Variants in SOS1 observed in about 807,000 individuals in gnomAD.
The protein encoded by SOS1 is SOS Ras/Rac guanine nucleotide exchange factor 1.
In SOS1, 25 loss-of-function variants were observed where a neutral mutation model predicts 157.6. The ratio of observed to expected loss-of-function variants is 0.16; its 90% CI spans 0.12 to 0.22. The LOEUF (loss-of-function observed/expected upper bound fraction) is 0.22, where lower values mean the gene tolerates loss of function less well. SOS1 is among the 10% of genes least tolerant of loss of function. The pLI is 1.00. For missense variants in SOS1, 1,237 were observed against 1,599.1 expected (o/e 0.77, Z 3.86); for synonymous variants, 528 against 534.0 (o/e 0.99, Z 0.16).
At chr2:38,986,446 T>C (rs1287040138) in intron 22 of SOS1, 131 bp from the exon 23 acceptor site, 1 of 901,652 alleles carries the variant, frequency 1.1e-6, no homozygotes, top group Non-Finnish European at 1.6e-6. Flanking sequence ...AGTTTTGCCA[T>C]ATGTTTTCTT....
At chr2:39,035,109 A>C in intron 8 of SOS1, 103 bp downstream of exon 8, 1 of 740,124 alleles carries the variant, frequency 1.4e-6, no homozygotes, top group Non-Finnish European at 2.4e-6. Flanking sequence ...AAACAGAAAC[A>C]CACTAATGTG....
At chr2:39,040,512 T>C (rs1459050923) in intron 6 of SOS1, among the ~76,000 whole-genome samples, 1 of 152,200 alleles carries the variant, frequency 6.6e-6, no homozygotes, top group Non-Finnish European at 1.5e-5. Context: ...TAACCCTTGG[T>C]AACTTCTATT....
intron 1 of SOS1, among the ~76,000 whole-genome samples, chr2:39,089,852 C>A (rs1281279302): frequency 6.6e-6 from 1 of 151,622 alleles, no homozygotes; most frequent in Non-Finnish European, 1.5e-5. Flanking sequence ...CTGGGCCAGG[C>A]ACAGCGGCTC....
At chr2:39,066,981 C>T (rs1232301264) in intron 2 of SOS1, among the ~76,000 whole-genome samples, 1 of 152,084 alleles carries the variant, frequency 6.6e-6, no homozygotes, top group Admixed American at 6.5e-5. Flanking sequence ...TACAAACTAT[C>T]CTATATGCAA....
intron 1 of SOS1, among the ~76,000 whole-genome samples, chr2:39,089,520 ACT>A (rs1196021741): frequency 9.6e-6 from 1 of 103,712 alleles, no homozygotes; most frequent in African/African-American, 4.1e-5. Context: ...CAAGAACAAG[ACT>A]CTGTCTCCAA....
chr2:39,073,870 A>T (rs1671870177), intron 1 of SOS1, among the ~76,000 whole-genome samples: 1 of 152,210 alleles, frequency 6.6e-6, no homozygotes, highest in Non-Finnish European at 1.5e-5. Context: ...TCATGTCTTG[A>T]GCTCAGATCT....
chr2:39,041,993 TTAATG>T (rs1670588838), intron 6 of SOS1, among the ~76,000 whole-genome samples: 1 of 152,222 alleles, frequency 6.6e-6, no homozygotes, highest in African/African-American at 2.4e-5. Context: ...TCTCTACTGA[TTAATG>T]TAATATCTGT....
intron 6 of SOS1, among the ~76,000 whole-genome samples, chr2:39,039,064 A>G (rs1183443683): frequency 2.6e-5 from 4 of 152,176 alleles, no homozygotes; most frequent in Non-Finnish European, 5.9e-5. Context: ...CAGCAAAAAG[A>G]TTATGACTCA....
intron 1 of SOS1, among the ~76,000 whole-genome samples, chr2:39,094,424 G>A (rs1014325028): frequency 6.6e-6 from 1 of 152,088 alleles, no homozygotes; most frequent in Non-Finnish European, 1.5e-5. Context: ...GAGGCAGGTG[G>A]ATCACGAGGT....
At position 38,991,948 on chromosome 2, in the gene SOS1, T is replaced by C. The variant is rs1050254151; in HGVS notation, c.3347-2634A>G. Among the ~76,000 whole-genome samples, 17 of 152,316 alleles carry C rather than the reference T, an allele frequency of 1.1e-4. No individual in the cohort carries two copies. The South Asian group carries it at 2.1e-3, about 19-fold the overall frequency. ...CCGTAAGAGTAAAAAAAGAATAGTA[T>C]AGTATTATAACTGATAAAAAAAAAT... On this transcript the variant is annotated intron_variant, in intron 20 of 22. Coordinates refer to ENST00000402219, the MANE Select transcript of SOS1 (RefSeq NM_005633.4).
At position 39,036,192 on chromosome 2, in the gene SOS1, T is replaced by C. The variant is rs562415099; in HGVS notation, c.865-692A>G. Among the ~76,000 whole-genome samples the C allele has an allele frequency of 1.8e-4, 28 of 151,522 alleles. No homozygotes were observed. The South Asian group carries it at 5.8e-3, about 31-fold the overall frequency. On this transcript the variant is annotated intron_variant, in intron 6 of 22. Transcript: ENST00000402219. ...ATCTTGTATAAAACTATTATGAAAA[T>C]GGTGCTCTAGATTCTAGCATGAGCT...
intron 8 of SOS1, among the ~76,000 whole-genome samples, chr2:39,025,699 C>T (rs776281619): frequency 2.0e-5 from 3 of 152,084 alleles, no homozygotes; most frequent in Non-Finnish European, 2.9e-5. Flanking sequence ...TTCATTAGTA[C>T]ATTAGTACTT....
chr2:39,106,034 T>C (rs1673164077), intron 1 of SOS1, among the ~76,000 whole-genome samples: 2 of 151,634 alleles, frequency 1.3e-5, no homozygotes, highest in Non-Finnish European at 2.9e-5. Flanking sequence ...CTGGGCAACA[T>C]GGTAAAACCC....
rs756679265 is a variant in SOS1, at chr2:39,035,301, C to T, written c.985G>A (p.Glu329Lys). 6.8e-6 allele frequency: 11 copies of T among 1,613,194 alleles called. No homozygotes were observed. The highest frequency in any genetic ancestry group is 1.7e-5 in the Admixed American group (1 of 59,976). Residue 329 changes from glutamate to lysine, a missense_variant, in exon 8 of 23, where the codon GAA becomes AAA. This residue lies in a region of SOS1 where 101 missense variants were observed against 171.5 expected (regional missense o/e 0.59). Transcript: ENST00000402219. ...TATTGAACAGCTTCTTTGAAACCTTCGCCTATTGACTGGAAAAAAAAGTGA... is the reference window on the plus strand; with the variant it reads ...TATTGAACAGCTTCTTTGAAACCTTTGCCTATTGACTGGAAAAAAAAGTGA... The part of the protein sequence containing the change: ...GAALYLQSIG[E>K]GFKEAVQYVL...
rs1466449032 is a variant in SOS1, at chr2:39,051,004, C to G, written c.864+140G>C. ...AACAGAAACATATGTTGACAATGAC[C>G]CTATGAAAAAGGAGCAATAACAGAT... is the stretch of plus-strand genomic sequence containing the variant. On this transcript the variant is annotated intron_variant, in intron 6 of 22. Transcript: ENST00000402219. 8.9e-6 allele frequency: 7 copies of G among 783,950 alleles called. No individual in the cohort carries two copies. The East Asian group carries it at 1.8e-4, about 20-fold the overall frequency. 48.6% of individuals were successfully genotyped at this position (783,950 alleles called of 1,614,324 possible). A position where few individuals can be genotyped will look rare whatever the true frequency, so the allele number is the denominator to read the frequency against.
chr2:39,087,350 G>C (rs1038152839), intron 1 of SOS1, among the ~76,000 whole-genome samples: 2 of 152,154 alleles, frequency 1.3e-5, no homozygotes, highest in African/African-American at 4.8e-5. Flanking sequence ...CAAGAACAGT[G>C]GAGCTGTCAT....
intron 2 of SOS1, 141 bp downstream of exon 2, chr2:39,067,487 C>T: frequency 1.3e-6 from 1 of 798,014 alleles, no homozygotes. Context: ...AAGGGATACT[C>T]AACCTGTAAA....
intron 8 of SOS1, among the ~76,000 whole-genome samples, chr2:39,026,138 C>T (rs959268140): frequency 2.6e-4 from 40 of 151,962 alleles, no homozygotes; most frequent in African/African-American, 8.5e-4. Flanking sequence ...GGGGGGATCA[C>T]GAGGTCAGGA....
At chr2:39,017,230 T>A (rs929429240) in intron 10 of SOS1, among the ~76,000 whole-genome samples, 2 of 152,072 alleles carry the variant, frequency 1.3e-5, no homozygotes, top group African/African-American at 4.8e-5. Context: ...TCATATCGTA[T>A]AACCTCCCTG....
Sources: allele counts gnomAD v4.1 joint callset (sites outside exome capture counted in the v4.1 genomes callset), GRCh38; gene constraint gnomAD v4.1.1; regional missense constraint gnomAD v4.1.1; transcripts MANE v1.5; gene names NCBI Gene and HGNC (gene_info 2026-07-23, HGNC 2026-07-21).